PER3: variants seen among roughly 807,000 people sequenced by gnomAD.
The protein encoded by PER3 is period circadian protein homolog 3.
A neutral mutation model predicts 127.2 loss-of-function variants in PER3; 107 were observed. That is an observed-to-expected ratio of 0.84 (90% CI 0.72 to 0.99). The LOEUF is 0.99. PER3 is among the 50% of genes least tolerant of loss of function. The pLI is 0.00. For missense variants in PER3, 1,560 were observed against 1,525.8 expected, an observed-to-expected ratio of 1.02 and a Z score of -0.37; for synonymous variants, 618 against 585.8, an observed-to-expected ratio of 1.05 and a Z score of -0.79.
At chr1:7,797,636 TAAAA>T (rs34920317) in intron 6 of PER3, among the ~76,000 whole-genome samples, 1 of 126,666 alleles carries the variant, frequency 7.9e-6, no homozygotes. Flanking sequence ...ACTCCGTCTT[TAAAA>T]AAAAAAAAAA....
At chr1:7,791,517 G>C (rs748701974) in intron 5 of PER3, among the ~76,000 whole-genome samples, 3 of 152,210 alleles carry the variant, frequency 2.0e-5, no homozygotes, top group Non-Finnish European at 2.9e-5. Context: ...AGGGGTTGCT[G>C]TGAAGTCTCT....
chr1:7,801,138 A>C lies in PER3; in HGVS notation c.819A>C (p.Arg273Ser), dbSNP rs1485744314. 6.2e-7 allele frequency: 1 copy of C among 1,608,692 alleles called. No homozygotes were observed. The highest frequency in any genetic ancestry group is 1.3e-5 in the African/African-American group (1 of 74,834). ...CTCCTCGGATCCCAGTGAATAAAAG[A>C]ATCTTCACCACCACACACACCCCAG... Reference protein sequence around the residue: ...YEAPRIPVNKRIFTTTHTPGC... With the variant: ...YEAPRIPVNKSIFTTTHTPGC... Residue 273 changes from arginine to serine, a missense_variant, in exon 8 of 22, where the codon AGA (arginine) becomes AGC (serine). Arg to Ser is a moderately radical substitution (Grantham distance 110). This residue lies in a region of PER3 where 1,332 missense variants were observed against 1,223.6 expected (regional missense o/e 1.09). Transcript: ENST00000377532.
At chr1:7,795,657 G>C (rs529259832) in intron 6 of PER3, among the ~76,000 whole-genome samples, 2 of 152,236 alleles carry the variant, frequency 1.3e-5, no homozygotes, top group African/African-American at 2.4e-5. Flanking sequence ...AGGAAGGAAC[G>C]AGGATGGAAG....
intron 3 of PER3, 35 bp downstream of exon 3, chr1:7,785,621 T>G (rs1369495576): frequency 6.3e-7 from 1 of 1,597,448 alleles, no homozygotes; most frequent in South Asian, 1.1e-5. Flanking sequence ...ATCCTACGAA[T>G]GCACCAGGAC....
At chr1:7,823,659 A>C (rs1411992152) in intron 16 of PER3, among the ~76,000 whole-genome samples, 6 of 152,320 alleles carry the variant, frequency 3.9e-5, no homozygotes, top group African/African-American at 1.4e-4. Context: ...CAAAAAAAAA[A>C]AAGCTATGAA....
Position 7,842,727 on chromosome 1 carries a change from G to T in PER3, c.3605G>T (p.Gly1202Val). ...DSADGAATSC[G>V]QVLVEDSC ...GCTGATGGTGCGGCCACATCCTGTGGTCAGGTTCTGGTAGAAGACAGCTGT... is the reference window on the plus strand; with the variant it reads ...GCTGATGGTGCGGCCACATCCTGTGTTCAGGTTCTGGTAGAAGACAGCTGT... Residue 1202 changes from glycine to valine, a missense_variant, in exon 22 of 22, where the codon GGT becomes GTT. Gly to Val is a moderately radical substitution (Grantham distance 109, BLOSUM62 -3). Around this residue, in one of 3 missense-constraint regions of PER3, gnomAD observed 199 missense variants for 198.6 expected, o/e 1.00. Coordinates refer to ENST00000377532, the MANE Select transcript of PER3 (RefSeq NM_001377275.1). 6.2e-7 allele frequency: 1 copy of T among 1,613,454 alleles called. No homozygotes were observed. Among genetic ancestry groups the T allele is most frequent in the South Asian group, 1.1e-5 (1 of 91,062 alleles).
intron 13 of PER3, among the ~76,000 whole-genome samples, chr1:7,815,339 C>G (rs1430449374): frequency 6.6e-6 from 1 of 152,076 alleles, no homozygotes; most frequent in Non-Finnish European, 1.5e-5. Context: ...TCTACAAGAA[C>G]CCATTGTGAA....
At chr1:7,797,677 G>C (rs1392506237) in intron 6 of PER3, among the ~76,000 whole-genome samples, 3 of 151,844 alleles carry the variant, frequency 2.0e-5, no homozygotes, top group African/African-American at 7.3e-5. Context: ...GTGGAAGTAG[G>C]AACAGACTAG....
chr1:7,798,355 C>T (rs879131724), intron 6 of PER3, among the ~76,000 whole-genome samples, 170 bp from the exon 7 acceptor site: 1 of 152,152 alleles, frequency 6.6e-6, no homozygotes, highest in Admixed American at 6.5e-5. Context: ...TGAATAATAG[C>T]GAAAATTTAA....
intron 5 of PER3, among the ~76,000 whole-genome samples, chr1:7,789,137 T>TG (rs2097106427): frequency 2.0e-4 from 15 of 73,258 alleles, no homozygotes; most frequent in Non-Finnish European, 3.9e-4. Flanking sequence ...TAAAGAGCTT[T>TG]AAAATATATA....
In PER3 at chr1:7,820,116, T is replaced by A; in HGVS notation, c.1660T>A (p.Tyr554Asn). 1 of 1,613,268 alleles carries A rather than the reference T, an allele frequency of 6.2e-7. No homozygotes were observed. The highest frequency in any genetic ancestry group is 1.1e-5 in the South Asian group (1 of 90,808). Residue 554 changes from tyrosine to asparagine, a missense_variant and splice_region_variant, in exon 15 of 22, where the codon TAC becomes AAC. By Grantham distance (143) the Tyr-to-Asn change is moderately radical. Transcript: ENST00000377532. ...QINCIDSVIR[Y>N]LKSYNIPALK... ...TGTGGCCTAATTATGTTGTTACAGA[T>A]ACCTGAAGAGCTACAACATTCCAGC...
chr1:7,819,249 G>A (rs747018243), intron 13 of PER3, 36 bp from the exon 14 acceptor site: 46 of 1,586,728 alleles, frequency 2.9e-5, no homozygotes, highest in East Asian at 4.5e-5. Flanking sequence ...TACATGCTGG[G>A]TACTTTTAAT....
In PER3 at chr1:7,807,675, G is replaced by C. The variant is rs867875887; in HGVS notation, c.1137-1218G>C. ...GATAATTCCTACTTTCTGGGTTGTT[G>C]TGAGAACTCCGTGAGCTGATGCAGC... On this transcript the variant is annotated intron_variant, in intron 10 of 21. Transcript: ENST00000377532. 7.9e-5 allele frequency among the ~76,000 whole-genome samples: 12 copies of C among 152,278 alleles called. No individual in the cohort carries two copies. In the South Asian group the frequency reaches 2.5e-3, roughly 32 times the overall value.
At position 7,803,092 on chromosome 1, in the gene PER3, A is replaced by G. The variant is rs140044547; in HGVS notation, c.918A>G (p.Thr306=). Residue 306 remains threonine, a synonymous_variant, in exon 9 of 22, where the codon ACA becomes ACG. Transcript: ENST00000377532. ...ACCTACCTCAGGACCTGATTGGAACATCGATCCTAAGCTACCTGCACCCTG... is the reference window on the plus strand; with the variant it reads ...ACCTACCTCAGGACCTGATTGGAACGTCGATCCTAAGCTACCTGCACCCTG... ...LGYLPQDLIG[T]SILSYLHPED... 2.3e-5 allele frequency: 37 copies of G among 1,613,838 alleles called. No individual in the cohort carries two copies. Among genetic ancestry groups the G allele is most frequent in the Middle Eastern group, 3.3e-4 (2 of 6,062 alleles).
intron 13 of PER3, among the ~76,000 whole-genome samples, chr1:7,818,012 C>A (rs1354756267): frequency 6.6e-6 from 1 of 152,128 alleles, no homozygotes. Flanking sequence ...GGACACTGCA[C>A]CTCCGCCGCA....
At chr1:7,829,168 G>A (rs2097316846) in intron 18 of PER3, among the ~76,000 whole-genome samples, 1 of 152,114 alleles carries the variant, frequency 6.6e-6, no homozygotes, top group South Asian at 2.1e-4. Context: ...GTGGATGCCG[G>A]AAACCGTGGG....
rs193121310 is a variant in PER3, at chr1:7,819,347, C to T, written c.1585C>T (p.Pro529Ser). 1.1e-5 allele frequency: 18 copies of T among 1,613,098 alleles called. No homozygotes were observed. The highest frequency in any genetic ancestry group is 1.4e-5 in the Non-Finnish European group (17 of 1,179,068). ...TLKNNSVYTE[P>S]CEDLRNDEHS... ...GAAAAACAATAGTGTGTACACTGAG[C>T]CCTGTGAGGATTTGAGGAACGATGA... The change falls in exon 14 of 22, where the codon CCC becomes TCC. Residue 529 changes from proline (P) to serine (S), a missense_variant. Physicochemically the swap from Pro to Ser is moderately conservative, Grantham distance 74 (BLOSUM62 -1). Coordinates refer to ENST00000377532, the MANE Select transcript of PER3 (RefSeq NM_001377275.1).
chr1:7,819,989 G>A (rs762251584), intron 14 of PER3, 126 bp from the exon 15 acceptor site: 18 of 919,242 alleles, frequency 2.0e-5, no homozygotes, highest in Non-Finnish European at 2.9e-5. Context: ...GATGGTCAGG[G>A]AAGACTTTAT....
chr1:7,794,495 A>G (rs228681), intron 6 of PER3, among the ~76,000 whole-genome samples: 14,670 of 152,196 alleles, frequency 0.096, 769 homozygotes, highest in Middle Eastern at 0.13. Flanking sequence ...CTGTCTCAAA[A>G]AAAATAAAAA....
Sources: allele counts gnomAD v4.1 joint callset (sites outside exome capture counted in the v4.1 genomes callset), GRCh38; gene constraint gnomAD v4.1.1; regional missense constraint gnomAD v4.1.1; transcripts MANE v1.5; gene names NCBI Gene and HGNC (gene_info 2026-07-23, HGNC 2026-07-21).